GGACT: variants seen among roughly 807,000 people sequenced by gnomAD.
The protein encoded by GGACT is gamma-glutamylamine cyclotransferase.
For missense variants in GGACT, 241 were observed against 233.2 expected, an observed-to-expected ratio of 1.03 and a Z score of -0.22; for synonymous variants, 118 against 115.3, an observed-to-expected ratio of 1.02 and a Z score of -0.15.
intron 2 of GGACT, among the ~76,000 whole-genome samples, chr13:100,567,091 TCTC>T (rs1355535928): frequency 6.6e-6 from 1 of 152,228 alleles, no homozygotes; most frequent in Non-Finnish European, 1.5e-5. Flanking sequence ...GCTATGTTCT[TCTC>T]ACTGCCTCCT....
At chr13:100,546,218 C>T (rs1380962618) in intron 2 of GGACT, among the ~76,000 whole-genome samples, 1 of 151,810 alleles carries the variant, frequency 6.6e-6, no homozygotes, top group Non-Finnish European at 1.5e-5. Context: ...AAAAATTAGC[C>T]GGGCATGGTG....
intron 2 of GGACT, among the ~76,000 whole-genome samples, chr13:100,542,745 G>C (rs143639514): frequency 3.9e-5 from 6 of 152,262 alleles, no homozygotes; most frequent in African/African-American, 1.4e-4. Flanking sequence ...CATGGAGGTG[G>C]AACAGGCTCA....
intron 2 of GGACT, among the ~76,000 whole-genome samples, chr13:100,562,202 C>T (rs1032623199): frequency 6.6e-6 from 1 of 152,180 alleles, no homozygotes; most frequent in Non-Finnish European, 1.5e-5. Context: ...CGGCAAGCCC[C>T]TGTCCACTGC....
chr13:100,540,224 C>G lies in GGACT; in HGVS notation c.-10-7623G>C, dbSNP rs188690782. The G allele has an allele frequency of 3.6e-6, 5 of 1,405,844 alleles. No homozygotes were observed. In the Admixed American group the frequency reaches 8.4e-5, roughly 24 times the overall value. The allele number at this position is 1,405,844 out of a possible 1,614,324, so 87.1% of individuals were successfully genotyped here. A position where few individuals can be genotyped will look rare whatever the true frequency, so the allele number is the denominator to read the frequency against. On this transcript the variant is annotated intron_variant, in intron 2 of 2. Transcript: ENST00000683975. ...TGGCCGCGGCCCTTTTTGGCACGAC[C>G]ATTGTTCCTTCTTTTCTTTGTCATC... is the stretch of plus-strand genomic sequence containing the variant.
chr13:100,582,599 A>C (rs940354794), intron 2 of GGACT, among the ~76,000 whole-genome samples: 2 of 152,324 alleles, frequency 1.3e-5, no homozygotes, highest in Non-Finnish European at 2.9e-5. Context: ...GTGACGACAA[A>C]AGCAGGGTCA....
Position 100,532,081 on chromosome 13 carries a change from T to C in GGACT, c.*49A>G. 2 of 1,348,546 alleles carry C rather than the reference T, an allele frequency of 1.5e-6. No individual in the cohort carries two copies. Among genetic ancestry groups the C allele is most frequent in the Non-Finnish European group, 2.0e-6 (2 of 1,023,602 alleles). The allele number at this position is 1,348,546 out of a possible 1,614,324, so 83.5% of individuals were successfully genotyped here. ...CTTCACCCAGCATGGGCTGGGCGCA[T>C]CTTGGAGCCCCAGGGCTCTCAAACC... On this transcript the variant is annotated 3_prime_UTR_variant, in exon 3 of 3. Coordinates refer to ENST00000683975, the MANE Select transcript of GGACT (RefSeq NM_001195087.2).
At chr13:100,546,204 C>T (rs915748889) in intron 2 of GGACT, among the ~76,000 whole-genome samples, 2 of 151,038 alleles carry the variant, frequency 1.3e-5, no homozygotes, top group Admixed American at 1.3e-4. Context: ...ACTAAAAATA[C>T]AAAAAAAATT....
chr13:100,532,472 G>A lies in GGACT; in HGVS notation c.120C>T (p.Tyr40=). 1 of 1,549,648 alleles carries A rather than the reference G, an allele frequency of 6.5e-7. No individual in the cohort carries two copies. Among genetic ancestry groups the A allele is most frequent in the Non-Finnish European group, 8.7e-7 (1 of 1,146,624 alleles). The change falls in exon 3 of 3, where the codon TAC becomes TAT. Residue 40 remains tyrosine (Y), a synonymous_variant. Coordinates refer to ENST00000683975, the MANE Select transcript of GGACT (RefSeq NM_001195087.2). ...FRARGRTLEP[Y]PLVIAGEHNI... ...TGTGCTCCCCCGCGATCACCAACGG[G>A]TAGGGCTCCAGCGTGCGGCCGCGCG...
At chr13:100,551,893 C>CA (rs2088668022) in intron 2 of GGACT, among the ~76,000 whole-genome samples, 2 of 152,224 alleles carry the variant, frequency 1.3e-5, no homozygotes, top group Admixed American at 6.5e-5. Flanking sequence ...TCAGAGGGGG[C>CA]AAGACCAGTA....
intron 2 of GGACT, among the ~76,000 whole-genome samples, chr13:100,556,444 G>C (rs564975798): frequency 6.6e-6 from 1 of 152,188 alleles, no homozygotes; most frequent in East Asian, 2.0e-4. Context: ...CCTGTGCACT[G>C]AAAATTCCAA....
chr13:100,574,602 G>A (rs1410500408), intron 2 of GGACT, among the ~76,000 whole-genome samples: 5 of 151,972 alleles, frequency 3.3e-5, no homozygotes, highest in Admixed American at 2.0e-4. Flanking sequence ...CAAATACCAC[G>A]TTCTCACTTA....
intron 1 of GGACT, among the ~76,000 whole-genome samples, chr13:100,584,222 A>G (rs531824893): frequency 6.6e-6 from 1 of 152,360 alleles, no homozygotes; most frequent in Admixed American, 6.5e-5. Flanking sequence ...CCAGTGACCT[A>G]GAGAAAGGGT....
At chr13:100,547,206 G>A (rs2088614988) in intron 2 of GGACT, among the ~76,000 whole-genome samples, 1 of 152,158 alleles carries the variant, frequency 6.6e-6, no homozygotes, top group Non-Finnish European at 1.5e-5. Flanking sequence ...GCAGAAGCAG[G>A]ACGTGCAGAG....
chr13:100,532,393 C>A lies in GGACT; in HGVS notation c.199G>T (p.Val67Phe), dbSNP rs967632317. ...PGSGRLVEGEVYAVDERMLRF... is the reference protein window; with the variant it reads ...PGSGRLVEGEFYAVDERMLRF... ...AGCATCCGCTCGTCTACCGCGTAGA[C>A]CTCGCCCTCCACGAGGCGCCCCGAG... Residue 67 changes from valine (V) to phenylalanine (F), a missense_variant, in exon 3 of 3, where the codon GTC becomes TTC. Transcript: ENST00000683975. The A allele has an allele frequency of 6.5e-7, 1 of 1,550,252 alleles. No individual in the cohort carries two copies. The highest frequency in any genetic ancestry group is 1.4e-5 in the African/African-American group (1 of 73,048).
At chr13:100,533,560 C>A (rs2088448200) in intron 2 of GGACT, 3 of 152,166 alleles carry the variant, frequency 2.0e-5, no homozygotes, top group Admixed American at 2.0e-4. Flanking sequence ...ATTTTGTAAC[C>A]ACCTGCTATC....
Position 100,583,853 on chromosome 13 carries a change from T to G in GGACT, c.-39A>C, listed in dbSNP as rs1468277763. On this transcript the variant is annotated 5_prime_UTR_variant, in exon 2 of 3. Transcript: ENST00000683975. ...TAAGCTTGTTTCTTCAAGGAAGTGT[T>G]GCCTTAGAATCCAGATCCACAGTAA... 6.6e-6 allele frequency: 1 copy of G among 152,210 alleles called. No homozygotes were observed. The highest frequency in any genetic ancestry group is 2.4e-5 in the African/African-American group (1 of 41,428). 9.4% of individuals were successfully genotyped at this position (152,210 alleles called of 1,614,324 possible).
At chr13:100,574,067 A>C (rs898524928) in intron 2 of GGACT, among the ~76,000 whole-genome samples, 12 of 152,234 alleles carry the variant, frequency 7.9e-5, no homozygotes, top group Admixed American at 6.5e-4. Context: ...TCATTCTACC[A>C]AAAAGACACA....
intron 2 of GGACT, among the ~76,000 whole-genome samples, chr13:100,583,125 T>C (rs1425574051): frequency 1.3e-5 from 2 of 152,234 alleles, no homozygotes; most frequent in Non-Finnish European, 2.9e-5. Flanking sequence ...ATGCCAACAT[T>C]AGTTTGGTAT....
chr13:100,546,846 T>C (rs2088610111), intron 2 of GGACT, among the ~76,000 whole-genome samples: 1 of 152,244 alleles, frequency 6.6e-6, no homozygotes, highest in African/African-American at 2.4e-5. Context: ...GGGAGTCGCA[T>C]GGCCCATCCT....
Sources: gnomAD v4.1 joint callset for allele counts (sites outside exome capture counted in the v4.1 genomes callset) on GRCh38, gnomAD v4.1.1 for gene constraint, MANE v1.5 for transcripts, NCBI Gene and HGNC (gene_info 2026-07-23, HGNC 2026-07-21) for gene names.